Variants in TESK2 observed in about 807,000 individuals in gnomAD.
The protein encoded by TESK2 is testis associated actin remodelling kinase 2.
A neutral mutation model predicts 57.1 loss-of-function variants in TESK2; 39 were observed. The observed-to-expected ratio is 0.68, with a 90% confidence interval of 0.53 to 0.89. The LOEUF is 0.89. TESK2 is among the 40% of genes least tolerant of loss of function. The pLI is 0.00. For synonymous variants in TESK2, 249 were observed against 267.9 expected (o/e 0.93, Z 0.69); for missense variants, 646 against 732.1 (o/e 0.88, Z 1.36).
chr1:45,346,971 C>T lies in TESK2; in HGVS notation c.792+8G>A. On this transcript the variant is annotated splice_region_variant and intron_variant, in intron 8 of 10. Coordinates refer to ENST00000372086, the MANE Select transcript of TESK2 (RefSeq NM_007170.3). ...TCAGTGGCAATGATCCCCATGCTTG[C>T]AGCTCACCTCTGTGCGGGGAAGATA... The T allele has an allele frequency of 1.2e-5, 19 of 1,613,986 alleles. No homozygotes were observed. The highest frequency in any genetic ancestry group is 1.6e-5 in the Non-Finnish European group (19 of 1,179,800).
intron 3 of TESK2, among the ~76,000 whole-genome samples, chr1:45,388,778 T>C (rs1649013073): frequency 7.2e-6 from 1 of 139,372 alleles, no homozygotes; most frequent in Non-Finnish European, 1.5e-5. Flanking sequence ...TGGAGTGCAG[T>C]GGCGCAATCT....
intron 3 of TESK2, among the ~76,000 whole-genome samples, chr1:45,388,050 A>G (rs1224876160): frequency 6.6e-6 from 1 of 152,176 alleles, no homozygotes; most frequent in Non-Finnish European, 1.5e-5. Context: ...TAAAAATAAA[A>G]TAAGATGGGT....
intron 2 of TESK2, among the ~76,000 whole-genome samples, chr1:45,446,458 C>T (rs1053094254): frequency 2.6e-5 from 4 of 151,364 alleles, no homozygotes; most frequent in African/African-American, 9.7e-5. Context: ...GAGACCCTGT[C>T]GTCTCTAAAA....
At chr1:45,384,076 C>A (rs916045439) in intron 4 of TESK2, among the ~76,000 whole-genome samples, 1 of 152,176 alleles carries the variant, frequency 6.6e-6, no homozygotes, top group Non-Finnish European at 1.5e-5. Flanking sequence ...ATAATTTATA[C>A]ATGCCAGGCA....
chr1:45,389,527 C>T (rs1480084800), intron 3 of TESK2, among the ~76,000 whole-genome samples: 1 of 152,220 alleles, frequency 6.6e-6, no homozygotes, highest in East Asian at 1.9e-4. Context: ...AGAAGACTCT[C>T]ACCAGATGTG....
chr1:45,415,299 C>A, intron 3 of TESK2: 1 of 1,234,376 alleles, frequency 8.1e-7, no homozygotes, highest in South Asian at 1.2e-5. Context: ...CTGGGAATGG[C>A]AAGACCAGCA....
At chr1:45,446,833 C>T (rs957312767) in intron 2 of TESK2, among the ~76,000 whole-genome samples, 1 of 152,130 alleles carries the variant, frequency 6.6e-6, no homozygotes, top group Non-Finnish European at 1.5e-5. Flanking sequence ...TTTAAGCTTT[C>T]CATTTATCAG....
At chr1:45,380,612 TTTA>T (rs1402003256) in intron 4 of TESK2, among the ~76,000 whole-genome samples, 1 of 152,204 alleles carries the variant, frequency 6.6e-6, no homozygotes, top group African/African-American at 2.4e-5. Flanking sequence ...GACAGACATC[TTTA>T]TTTTAGGATG....
At chr1:45,355,515 TAG>T in intron 4 of TESK2, 66 bp from the exon 5 acceptor site, 4 of 1,544,250 alleles carry the variant, frequency 2.6e-6, no homozygotes, top group Non-Finnish European at 2.6e-6. Context: ...GTGAAACCAT[TAG>T]AGAGTAAACA....
At chr1:45,470,983 A>G (rs148185514) in intron 1 of TESK2, among the ~76,000 whole-genome samples, 102 of 152,326 alleles carry the variant, frequency 6.7e-4, no homozygotes, top group African/African-American at 2.3e-3. Context: ...CTGTAATCCT[A>G]GCACTTTGGG....
Position 45,345,660 on chromosome 1 carries a change from T to G in TESK2, c.998-102A>C, listed in dbSNP as rs1311276544. The G allele has an allele frequency of 7.8e-6, 9 of 1,147,510 alleles. No homozygotes were observed. The East Asian group carries it at 1.9e-4, about 24-fold the overall frequency. The allele number at this position is 1,147,510 out of a possible 1,614,324, so 71.1% of individuals were successfully genotyped here. A position where few individuals can be genotyped will look rare whatever the true frequency, so the allele number is the denominator to read the frequency against. ...ACTCATGAAAGCAAAGCTGATACCA[T>G]GGCCCTGTTTTACCAATGAAGAAAC... On this transcript the variant is annotated intron_variant, in intron 10 of 10. Transcript: ENST00000372086.
intron 2 of TESK2, among the ~76,000 whole-genome samples, chr1:45,447,439 T>C (rs1651686952): frequency 1.3e-5 from 2 of 152,018 alleles, no homozygotes; most frequent in Admixed American, 6.6e-5. Context: ...ATAATATCAC[T>C]GTCACCCATC....
At chr1:45,482,057 G>A (rs1381845667) in intron 1 of TESK2, among the ~76,000 whole-genome samples, 1 of 152,198 alleles carries the variant, frequency 6.6e-6, no homozygotes, top group Non-Finnish European at 1.5e-5. Context: ...GTCTCCACGT[G>A]AGCAGTTCCT....
intron 1 of TESK2, among the ~76,000 whole-genome samples, chr1:45,467,624 T>C (rs1652606215): frequency 7.2e-6 from 1 of 139,032 alleles, no homozygotes. Flanking sequence ...GCCACTGTGC[T>C]CGGCCTTCAC....
chr1:45,453,721 AAAG>A (rs1462809676), intron 2 of TESK2, among the ~76,000 whole-genome samples: 2 of 152,184 alleles, frequency 1.3e-5, no homozygotes, highest in Non-Finnish European at 2.9e-5. Context: ...TCTGTGCAAA[AAAG>A]GACACCATCA....
rs143065480 is a variant in TESK2 at position 45,402,405 on chromosome 1, A to G, written c.345-16445T>C. 2.7e-3 allele frequency among the ~76,000 whole-genome samples: 407 copies of G among 151,280 alleles called. 3 individuals carry two copies. Among genetic ancestry groups the G allele is most frequent in the East Asian group, 0.014 (74 of 5,158 alleles). On this transcript the variant is annotated intron_variant, in intron 3 of 10. Transcript: ENST00000372086. ...CAAGATCTTGTCTTTAAAAAAAAAA[A>G]AAAAAGAAAAAGAAAAAAGAAAAAG...
intron 4 of TESK2, among the ~76,000 whole-genome samples, chr1:45,360,668 A>G (rs1647644223): frequency 6.6e-6 from 1 of 152,182 alleles, no homozygotes; most frequent in African/African-American, 2.4e-5. Flanking sequence ...AAACAAATGG[A>G]ATTTGCTTTT....
At chr1:45,412,512 A>G (rs1650073931) in intron 3 of TESK2, among the ~76,000 whole-genome samples, 1 of 152,200 alleles carries the variant, frequency 6.6e-6, no homozygotes, top group African/African-American at 2.4e-5. Flanking sequence ...CCTACATAGT[A>G]TAATTTACTT....
At chr1:45,400,047 C>T (rs1249279065) in intron 3 of TESK2, among the ~76,000 whole-genome samples, 6 of 152,066 alleles carry the variant, frequency 3.9e-5, no homozygotes, top group Admixed American at 3.3e-4. Context: ...GACTGTGTCG[C>T]ATTATATGGC....
Sources: gnomAD v4.1 joint callset for allele counts (sites outside exome capture counted in the v4.1 genomes callset) on GRCh38, gnomAD v4.1.1 for gene constraint, MANE v1.5 for transcripts, NCBI Gene and HGNC (gene_info 2026-07-23, HGNC 2026-07-21) for gene names.